Variants in OTOF observed in about 807,000 individuals in gnomAD.
OTOF encodes the protein fer-1-like family member 2.
A neutral mutation model predicts 236.8 loss-of-function variants in OTOF; 218 were observed. The ratio of observed to expected loss-of-function variants is 0.92; its 90% CI spans 0.82 to 1.03. OTOF has a LOEUF of 1.03. Ranked by LOEUF, OTOF falls within the 50% of genes least tolerant of loss-of-function variation. The pLI, the probability that OTOF is intolerant of heterozygous loss-of-function variation, is 0.00. For missense variants in OTOF, 2,590 were observed against 2,694.4 expected, an observed-to-expected ratio of 0.96 and a Z score of 0.86; for synonymous variants, 1,041 against 1,072.5, an observed-to-expected ratio of 0.97 and a Z score of 0.57.
rs760607835 is a variant in OTOF at position 26,477,369 on chromosome 2, A to T, written c.2406+47T>A. ...ACAAAGGGGGTTGTGACACCTTCTCACAACCAGGCCCTCCCTCCAGCCCCC... is the reference window on the plus strand; with the variant it reads ...ACAAAGGGGGTTGTGACACCTTCTCTCAACCAGGCCCTCCCTCCAGCCCCC... On this transcript the variant is annotated intron_variant, in intron 20 of 46. Coordinates refer to ENST00000272371, the MANE Select transcript of OTOF (RefSeq NM_194248.3). The surrounding 1 kb of genome is among the most constrained non-coding windows in gnomAD (Gnocchi z 4.7). 2 of 1,573,518 alleles carry T rather than the reference A, an allele frequency of 1.3e-6. No individual in the cohort carries two copies. Among genetic ancestry groups the T allele is most frequent in the East Asian group, 4.6e-5 (2 of 43,116 alleles).
intron 1 of OTOF, among the ~76,000 whole-genome samples, chr2:26,544,541 G>A (rs186033669): frequency 1.8e-4 from 28 of 152,284 alleles, no homozygotes; most frequent in Non-Finnish European, 2.6e-4. Context: ...TAGAGTAATA[G>A]CCCGTTGCAT....
intron 38 of OTOF, 35 bp downstream of exon 38, chr2:26,465,637 C>T (rs1399852090): frequency 3.7e-6 from 6 of 1,604,400 alleles, no homozygotes; most frequent in Non-Finnish European, 5.1e-6. Flanking sequence ...AAAGCAGGCA[C>T]ACTGCCCCCG....
chr2:26,531,697 G>A (rs1184427694), intron 2 of OTOF, among the ~76,000 whole-genome samples: 1 of 152,014 alleles, frequency 6.6e-6, no homozygotes, highest in African/African-American at 2.4e-5. Context: ...TCCTCCATTT[G>A]GGGTGATATG....
intron 3 of OTOF, among the ~76,000 whole-genome samples, chr2:26,527,172 C>T (rs754579740): frequency 6.6e-6 from 1 of 152,258 alleles, no homozygotes; most frequent in African/African-American, 2.4e-5. Context: ...AGGCACCCCG[C>T]CCTCTGCATC....
At chr2:26,501,665 G>T in intron 8 of OTOF, 89 bp downstream of exon 8, 2 of 909,620 alleles carry the variant, frequency 2.2e-6, no homozygotes, top group African/African-American at 1.6e-5. Context: ...CTGGATCCAT[G>T]CCTCAGTATA....
Position 26,534,463 on chromosome 2 carries a change from GCT to G in OTOF, c.138+3251_138+3252del, listed in dbSNP as rs926004098. 2.3e-4 allele frequency among the ~76,000 whole-genome samples: 35 copies of G among 152,258 alleles called. No individual in the cohort carries two copies. In the Middle Eastern group the frequency reaches 0.031, roughly 133 times the overall value. ...CTGGGAAAGGAGACACCATGTCCAG[GCT>G]CTGTTTCCACCCATTGTTGTAGAGA... is the stretch of plus-strand genomic sequence containing the variant. On this transcript the variant is annotated intron_variant, in intron 2 of 46. Coordinates refer to ENST00000272371, the MANE Select transcript of OTOF (RefSeq NM_194248.3).
In OTOF at chr2:26,458,157, G is replaced by T. The variant is rs1291946190; in HGVS notation, c.*81C>A. On this transcript the variant is annotated 3_prime_UTR_variant, in exon 47 of 47. Transcript: ENST00000272371. The stretch of plus-strand genomic sequence containing the variant: ...TGATGATGAGCCACTTGTACCGGGT[G>T]CAGATGAGGTACTTGATGGACTTGA... 1 of 1,613,938 alleles carries T rather than the reference G, an allele frequency of 6.2e-7. No individual in the cohort carries two copies. The highest frequency in any genetic ancestry group is 1.7e-5 in the Admixed American group (1 of 59,998).
At chr2:26,503,571 C>A (rs1467792865) in intron 6 of OTOF, among the ~76,000 whole-genome samples, 1 of 152,230 alleles carries the variant, frequency 6.6e-6, no homozygotes, top group South Asian at 2.1e-4. Context: ...TAACCAGGCA[C>A]CCCCGACAGA....
intron 36 of OTOF, 124 bp from the exon 37 acceptor site, chr2:26,466,200 G>A (rs1232785265): frequency 2.4e-6 from 3 of 1,237,096 alleles, no homozygotes; most frequent in African/African-American, 1.5e-5. Flanking sequence ...GGACCCCTCA[G>A]GAGGCTTGCT....
In OTOF at chr2:26,473,202, A is replaced by G. The variant is rs764819016; in HGVS notation, c.3663T>C (p.His1221=). Residue 1221 remains histidine, a synonymous_variant, in exon 29 of 47, where the codon CAT becomes CAC. Coordinates refer to ENST00000272371, the MANE Select transcript of OTOF (RefSeq NM_194248.3). This position sits in a 1 kb window ranked among gnomAD's most constrained non-coding sequence, Gnocchi z 7.2. Reference sequence around the variant, plus strand: ...TGAAGCGTCGCAGGGAGCTGACGGCATGGGAGCCCACCAGTGTGTAGCGAC... The same window carrying G: ...TGAAGCGTCGCAGGGAGCTGACGGCGTGGGAGCCCACCAGTGTGTAGCGAC... ...AFGRYTLVGS[H]AVSSLRRFIY... 5 of 1,613,152 alleles carry G rather than the reference A, an allele frequency of 3.1e-6. No individual in the cohort carries two copies. Among genetic ancestry groups the G allele is most frequent in the Admixed American group, 3.3e-5 (2 of 60,018 alleles).
At chr2:26,515,270 G>T (rs1415764621) in intron 5 of OTOF, among the ~76,000 whole-genome samples, 1 of 152,266 alleles carries the variant, frequency 6.6e-6, no homozygotes, top group Non-Finnish European at 1.5e-5. Flanking sequence ...TGAGGGGACA[G>T]GCTTTAAGCT....
At chr2:26,549,697 C>T (rs1243129219) in intron 1 of OTOF, among the ~76,000 whole-genome samples, 1 of 152,202 alleles carries the variant, frequency 6.6e-6, no homozygotes, top group Non-Finnish European at 1.5e-5. Context: ...GTCAGGGATT[C>T]ATCTGAGAGG....
intron 1 of OTOF, among the ~76,000 whole-genome samples, chr2:26,547,033 G>A (rs187916413): frequency 1.4e-3 from 217 of 152,308 alleles, no homozygotes; most frequent in Non-Finnish European, 2.6e-3. Context: ...CTAGCACAGT[G>A]TTGAACAGAA....
chr2:26,533,415 G>T (rs1057103607), intron 2 of OTOF, among the ~76,000 whole-genome samples: 1 of 152,042 alleles, frequency 6.6e-6, no homozygotes, highest in Non-Finnish European at 1.5e-5. Context: ...ACAAAGGCTG[G>T]GTCTCTGTGT....
At chr2:26,483,382 C>T (rs1312106308) in intron 13 of OTOF, 80 bp downstream of exon 13, 10 of 1,319,380 alleles carry the variant, frequency 7.6e-6, no homozygotes, top group Non-Finnish European at 9.8e-6. Flanking sequence ...TGCCCAGCTG[C>T]CCCAGGCCCC....
intron 3 of OTOF, among the ~76,000 whole-genome samples, chr2:26,521,860 C>T (rs76598269): frequency 0.016 from 2,462 of 152,318 alleles, 65 homozygotes; most frequent in African/African-American, 0.056. Flanking sequence ...TATAGCCCTC[C>T]GACTTCCACC....
chr2:26,537,394 T>A (rs1185561941), intron 2 of OTOF, among the ~76,000 whole-genome samples: 1 of 152,132 alleles, frequency 6.6e-6, no homozygotes, highest in Non-Finnish European at 1.5e-5. Context: ...CACATTCAGG[T>A]CTACAGCACC....
At chr2:26,463,111 C>CAT (rs1374743674) in intron 41 of OTOF, among the ~76,000 whole-genome samples, 1 of 152,034 alleles carries the variant, frequency 6.6e-6, no homozygotes, top group African/African-American at 2.4e-5. Flanking sequence ...TCAGTGTGGG[C>CAT]ATGTGTGTGG....
chr2:26,554,078 G>A (rs905586933), intron 1 of OTOF, among the ~76,000 whole-genome samples: 2 of 143,054 alleles, frequency 1.4e-5, no homozygotes, highest in South Asian at 4.3e-4. Flanking sequence ...GGCTGAGGCA[G>A]AAGAATCGCT....
Sources: allele counts gnomAD v4.1 joint callset (sites outside exome capture counted in the v4.1 genomes callset), GRCh38; gene constraint gnomAD v4.1.1; non-coding constraint Gnocchi (gnomAD v3.1); transcripts MANE v1.5; gene names NCBI Gene and HGNC (gene_info 2026-07-23, HGNC 2026-07-21).